The following ESRP1 variants were observed in gnomAD, a reference collection of about 807,000 sequenced individuals.
ESRP1 encodes epithelial splicing regulatory protein 1.
A neutral mutation model predicts 81.7 loss-of-function variants in ESRP1; 33 were observed. The ratio of observed to expected loss-of-function variants is 0.40; its 90% CI spans 0.31 to 0.54. The LOEUF is 0.54. ESRP1 is among the 20% of genes least tolerant of loss of function. The pLI is 0.41. For synonymous variants in ESRP1, 320 were observed against 303.3 expected (o/e 1.06, Z -0.57); for missense variants, 672 against 833.1 (o/e 0.81, Z 2.38).
At chr8:94,705,771 A>G (rs1383669998) in intron 15 of ESRP1, 154 bp from the exon 16 acceptor site, 2 of 675,742 alleles carry the variant, frequency 3.0e-6, no homozygotes, top group African/African-American at 1.8e-5. Context: ...TGTAAATGCC[A>G]ACTATGTCTG....
At chr8:94,660,709 C>CAAAA (rs60316449) in intron 4 of ESRP1, among the ~76,000 whole-genome samples, 24 of 43,540 alleles carry the variant, frequency 5.5e-4, no homozygotes, top group African/African-American at 8.5e-4. Context: ...GAGACTATCT[C>CAAAA]AAAAAAAAAA....
intron 15 of ESRP1, among the ~76,000 whole-genome samples, chr8:94,699,091 A>T (rs896803983): frequency 6.6e-6 from 1 of 152,154 alleles, no homozygotes; most frequent in Non-Finnish European, 1.5e-5. Context: ...TATGAATTTG[A>T]TTAACACATA....
chr8:94,669,213 C>A (rs1325793982), intron 10 of ESRP1, among the ~76,000 whole-genome samples: 1 of 152,170 alleles, frequency 6.6e-6, no homozygotes, highest in South Asian at 2.1e-4. Context: ...ACCAATTGAA[C>A]ATGTCTTCAG....
At chr8:94,647,419 G>A (rs779132360) in intron 4 of ESRP1, among the ~76,000 whole-genome samples, 16 of 152,142 alleles carry the variant, frequency 1.1e-4, no homozygotes, top group South Asian at 2.1e-4. Flanking sequence ...CATAGACCAC[G>A]GAGCTTAAAC....
intron 15 of ESRP1, among the ~76,000 whole-genome samples, chr8:94,704,494 T>A (rs1287729955): frequency 6.6e-6 from 1 of 152,100 alleles, no homozygotes; most frequent in Non-Finnish European, 1.5e-5. Context: ...CCAGGTGTTG[T>A]GACTCACACT....
chr8:94,679,778 C>T (rs554831872), intron 13 of ESRP1, among the ~76,000 whole-genome samples: 6 of 151,912 alleles, frequency 3.9e-5, no homozygotes, highest in African/African-American at 1.2e-4. Context: ...TAGAAGTAAC[C>T]GTTACTATCA....
chr8:94,704,175 C>CTTTTTTTT lies in ESRP1; in HGVS notation c.*36-1741_*36-1734dup, dbSNP rs34541416. Among the ~76,000 whole-genome samples, 18 of 129,004 alleles carry CTTTTTTTT rather than the reference C, an allele frequency of 1.4e-4. 2 individuals are homozygous for CTTTTTTTT. The highest frequency in any genetic ancestry group is 4.5e-4 in the African/African-American group (15 of 33,648). 84.6% of individuals were successfully genotyped at this position (129,004 alleles called of 152,430 possible). On this transcript the variant is annotated intron_variant, in intron 15 of 15. Transcript: ENST00000433389. ...AATTAATCTTCATGTGCTTCTGAGA[C>CTTTTTTTT]TTTTTTTTTTTTTTTTGCTAGCAGT...
At chr8:94,669,669 C>T (rs1341246094) in intron 10 of ESRP1, among the ~76,000 whole-genome samples, 1 of 151,950 alleles carries the variant, frequency 6.6e-6, no homozygotes, top group African/African-American at 2.4e-5. Flanking sequence ...AGTTCAAAAC[C>T]AGCTTGGGCA....
At position 94,706,937 on chromosome 8, in the gene ESRP1, G is replaced by A. The variant is rs1254133316; in HGVS notation, c.*1048G>A. On this transcript the variant is annotated 3_prime_UTR_variant, in exon 16 of 16. Transcript: ENST00000433389. ...CTATAGTCAGCATGCTAGACTGAGA[G>A]GTAAACACTGATGCAATTAGAACAG... The A allele has an allele frequency of 6.6e-6, 1 of 152,170 alleles. No homozygotes were observed. Among genetic ancestry groups the A allele is most frequent in the African/African-American group, 2.4e-5 (1 of 41,434 alleles). 9.4% of individuals were successfully genotyped at this position (152,170 alleles called of 1,614,324 possible). A position where few individuals can be genotyped will look rare whatever the true frequency, so the allele number is the denominator to read the frequency against.
chr8:94,641,313 A>C lies in ESRP1; in HGVS notation c.-6A>C. The C allele has an allele frequency of 6.3e-7, 1 of 1,599,174 alleles. No individual in the cohort carries two copies. The highest frequency in any genetic ancestry group is 8.5e-7 in the Non-Finnish European group (1 of 1,169,970). On this transcript the variant is annotated 5_prime_UTR_variant, in exon 1 of 16. Transcript: ENST00000433389. ...ACCCCCCCTCTCCCCCTCCCCACCT[A>C]TCGTCATGACGGCCTCTCCGGATTA...
chr8:94,701,987 A>C (rs1809859103), intron 15 of ESRP1, among the ~76,000 whole-genome samples: 3 of 152,172 alleles, frequency 2.0e-5, no homozygotes, highest in Non-Finnish European at 4.4e-5. Flanking sequence ...CTGAGGTGGA[A>C]GGATGGCTTC....
chr8:94,647,790 T>C lies in ESRP1; in HGVS notation c.490+1508T>C, dbSNP rs144812436. Among the ~76,000 whole-genome samples the C allele has an allele frequency of 1.8e-3, 272 of 152,218 alleles. 1 individual carries two copies. The highest frequency in any genetic ancestry group is 6.3e-3 in the African/African-American group (262 of 41,530). On this transcript the variant is annotated intron_variant, in intron 4 of 15. Transcript: ENST00000433389. ...CCACAAAATAGAGAACCAGAGTACC[T>C]ACTGAAAAATTAGAAGGCAGTGGAG...
intron 4 of ESRP1, among the ~76,000 whole-genome samples, chr8:94,653,102 T>C (rs574897393): frequency 6.6e-6 from 1 of 151,654 alleles, no homozygotes; most frequent in African/African-American, 2.4e-5. Context: ...TTTGACGTGA[T>C]TATGATTGCC....
intron 4 of ESRP1, among the ~76,000 whole-genome samples, chr8:94,650,019 CCT>C (rs1287803200): frequency 5.9e-5 from 9 of 152,118 alleles, no homozygotes; most frequent in Non-Finnish European, 1.2e-4. Flanking sequence ...TCCTTCCCTT[CCT>C]CTCCTTCTCT....
chr8:94,684,486 CTT>C (rs903352390), intron 13 of ESRP1, among the ~76,000 whole-genome samples: 5 of 152,104 alleles, frequency 3.3e-5, no homozygotes, highest in African/African-American at 9.7e-5. Flanking sequence ...TGAAAACTGA[CTT>C]TAGGTTTTAC....
At position 94,689,811 on chromosome 8, in the gene ESRP1, C is replaced by CTTTTTTTTTTTTTTTTTTTT. The variant is rs58359551; in HGVS notation, c.1821-2860_1821-2841dup. Among the ~76,000 whole-genome samples, 225 of 64,602 alleles carry CTTTTTTTTTTTTTTTTTTTT rather than the reference C, an allele frequency of 3.5e-3. 19 individuals are homozygous for CTTTTTTTTTTTTTTTTTTTT. The highest frequency in any genetic ancestry group is 4.4e-3 in the Non-Finnish European group (148 of 33,632). The allele number at this position is 64,602 out of a possible 152,430, so 42.4% of individuals were successfully genotyped here. A position where few individuals can be genotyped will look rare whatever the true frequency, so the allele number is the denominator to read the frequency against. On this transcript the variant is annotated intron_variant, in intron 13 of 15. Coordinates refer to ENST00000433389, the MANE Select transcript of ESRP1 (RefSeq NM_017697.4). ...CACAGGCATGTGCTATGATGCCTGG[C>CTTTTTTTTTTTTTTTTTTTT]TTTTTTTTTTTTTTTTTTTTTTTTT...
At chr8:94,665,519 T>A (rs926368094) in intron 9 of ESRP1, among the ~76,000 whole-genome samples, 1 of 151,978 alleles carries the variant, frequency 6.6e-6, no homozygotes, top group African/African-American at 2.4e-5. Context: ...GGAGACAGAG[T>A]TTCGCTCTGT....
intron 15 of ESRP1, among the ~76,000 whole-genome samples, chr8:94,703,071 C>G (rs577693118): frequency 1.4e-5 from 2 of 147,980 alleles, no homozygotes; most frequent in South Asian, 4.2e-4. Flanking sequence ...TATAGCTAAA[C>G]GGGAAGAGGA....
chr8:94,642,257 G>T (rs1208786951), intron 2 of ESRP1, among the ~76,000 whole-genome samples, 173 bp downstream of exon 2: 2 of 152,242 alleles, frequency 1.3e-5, no homozygotes, highest in Non-Finnish European at 2.9e-5. Flanking sequence ...GGCGGGGGTC[G>T]CTGCTTCTCT....
Sources: gnomAD v4.1 joint callset for allele counts (sites outside exome capture counted in the v4.1 genomes callset) on GRCh38, gnomAD v4.1.1 for gene constraint, MANE v1.5 for transcripts, NCBI Gene and HGNC (gene_info 2026-07-23, HGNC 2026-07-21) for gene names.